The following SLC24A2 variants were observed in gnomAD, a reference collection of about 807,000 sequenced individuals.
SLC24A2 encodes sodium/potassium/calcium exchanger 2.
SLC24A2 carries 36 observed loss-of-function variants against 62.0 expected under a neutral mutation model. That is an observed-to-expected ratio of 0.58 (90% CI 0.44 to 0.77). The LOEUF is 0.77. Among genes scored for constraint, SLC24A2 ranks in the 30% least tolerant of loss-of-function variants. The pLI is 0.00. For synonymous variants in SLC24A2, 358 were observed against 294.0 expected (o/e 1.22, Z -2.23); for missense variants, 846 against 817.9 (o/e 1.03, Z -0.42).
intron 5 of SLC24A2, among the ~76,000 whole-genome samples, chr9:19,583,506 G>C (rs1236994823): frequency 2.0e-5 from 3 of 152,164 alleles, no homozygotes; most frequent in African/African-American, 7.2e-5. Flanking sequence ...CACTGGTTTT[G>C]TTCACTGGTA....
the SLC24A2 span, among the ~76,000 whole-genome samples, chr9:20,170,588 T>C: frequency 2.0e-5 from 3 of 151,918 alleles, no homozygotes; most frequent in South Asian, 2.1e-4. Context: ...ATGTGAGTTA[T>C]TGATTAGAGC....
chr9:19,740,178 A>G (rs1240238288), intron 2 of SLC24A2, among the ~76,000 whole-genome samples: 1 of 152,220 alleles, frequency 6.6e-6, no homozygotes, highest in African/African-American at 2.4e-5. Context: ...GCAGTATTTA[A>G]TAAAGTTGAA....
At chr9:19,849,473 T>C in the SLC24A2 span, among the ~76,000 whole-genome samples, 2 of 152,192 alleles carry the variant, frequency 1.3e-5, no homozygotes, top group East Asian at 3.8e-4. Flanking sequence ...GCCTATGTTT[T>C]AACAATATTG....
chr9:19,825,097 G>C, the SLC24A2 span, among the ~76,000 whole-genome samples: 2 of 152,082 alleles, frequency 1.3e-5, no homozygotes, highest in African/African-American at 4.8e-5. Flanking sequence ...ATGATGGATT[G>C]ATAGGTGCAG....
At chr9:20,073,160 C>T in the SLC24A2 span, among the ~76,000 whole-genome samples, 4 of 152,188 alleles carry the variant, frequency 2.6e-5, no homozygotes, top group African/African-American at 7.2e-5. Context: ...TCTCACCAAG[C>T]TGTGATCAAG....
chr9:20,007,512 AAT>A, the SLC24A2 span, among the ~76,000 whole-genome samples: 3 of 152,138 alleles, frequency 2.0e-5, no homozygotes, highest in African/African-American at 7.2e-5. Flanking sequence ...TACATGTGTG[AAT>A]ATATATGTAT....
chr9:20,191,098 C>G, the SLC24A2 span, among the ~76,000 whole-genome samples: 4 of 151,418 alleles, frequency 2.6e-5, no homozygotes, highest in Non-Finnish European at 4.4e-5. Flanking sequence ...ATAAAGTGCT[C>G]TTTGAGTCAC....
At chr9:20,192,991 A>C in the SLC24A2 span, among the ~76,000 whole-genome samples, 1 of 152,316 alleles carries the variant, frequency 6.6e-6, no homozygotes, top group South Asian at 2.1e-4. Flanking sequence ...ACCCCCCAGC[A>C]CACAGTATAG....
intron 2 of SLC24A2, among the ~76,000 whole-genome samples, chr9:19,646,443 A>G (rs903971188): frequency 2.6e-5 from 4 of 152,186 alleles, no homozygotes; most frequent in Admixed American, 6.5e-5. Context: ...TCTCCTTCAG[A>G]GAGAAATTTC....
At chr9:20,175,272 T>C in the SLC24A2 span, among the ~76,000 whole-genome samples, 48 of 151,826 alleles carry the variant, frequency 3.2e-4, no homozygotes, top group African/African-American at 1.1e-3. Context: ...AAACGACAAA[T>C]TGGGTGCAGT....
intron 2 of SLC24A2, among the ~76,000 whole-genome samples, chr9:19,636,292 T>C (rs895865575): frequency 4.9e-5 from 2 of 40,670 alleles, no homozygotes; most frequent in East Asian, 1.0e-3. Context: ...TTCTCTTCTT[T>C]TCTTTTCTTT....
the SLC24A2 span, among the ~76,000 whole-genome samples, chr9:20,013,641 A>C: frequency 6.5e-3 from 994 of 152,342 alleles, 10 homozygotes; most frequent in African/African-American, 0.023. Flanking sequence ...GAACGGAAGA[A>C]AATAGTTGAA....
In SLC24A2 at chr9:19,510,427, CT is replaced by C. The variant is rs1156978756; in HGVS notation, c.*5725del. 2 of 82,116 alleles carry C rather than the reference CT, an allele frequency of 2.4e-5. No homozygotes were observed. The highest frequency in any genetic ancestry group is 4.6e-5 in the Non-Finnish European group (2 of 43,228). The allele number at this position is 82,116 out of a possible 1,614,324, so 5.1% of individuals were successfully genotyped here. A position where few individuals can be genotyped will look rare whatever the true frequency, so the allele number is the denominator to read the frequency against. ...AGTGAAGAGTGCCCAGATGCAGTTA[CT>C]TTTTGCCAAAAAAAAAAAAAAAAAA... On this transcript the variant is annotated 3_prime_UTR_variant, in exon 11 of 11. Coordinates refer to ENST00000341998, the MANE Select transcript of SLC24A2 (RefSeq NM_020344.4).
chr9:20,296,181 T>A, the SLC24A2 span, among the ~76,000 whole-genome samples: 1 of 152,212 alleles, frequency 6.6e-6, no homozygotes, highest in Non-Finnish European at 1.5e-5. Flanking sequence ...GGACGGCATA[T>A]ACTTACGAAA....
At chr9:20,009,081 T>C in the SLC24A2 span, among the ~76,000 whole-genome samples, 1 of 152,164 alleles carries the variant, frequency 6.6e-6, no homozygotes, top group Non-Finnish European at 1.5e-5. Context: ...CATAGTGCCA[T>C]GCACAAAGAA....
chr9:19,944,441 T>TAAAAAAAAAAA, the SLC24A2 span, among the ~76,000 whole-genome samples: 1 of 78,524 alleles, frequency 1.3e-5, no homozygotes, highest in African/African-American at 4.2e-5. Flanking sequence ...AAAGTAGTAG[T>TAAAAAAAAAAA]AAAAAAAAAA....
chr9:19,889,888 T>C, the SLC24A2 span, among the ~76,000 whole-genome samples: 1 of 152,256 alleles, frequency 6.6e-6, no homozygotes, highest in Non-Finnish European at 1.5e-5. Context: ...AATATCTATT[T>C]AAAGCATTGT....
the SLC24A2 span, among the ~76,000 whole-genome samples, chr9:19,852,581 T>C: frequency 1.3e-5 from 2 of 152,308 alleles, no homozygotes; most frequent in East Asian, 3.9e-4. Flanking sequence ...TAGGAAATCC[T>C]TTCCCCATTG....
At chr9:19,737,671 G>A (rs1302546276) in intron 2 of SLC24A2, among the ~76,000 whole-genome samples, 1 of 151,872 alleles carries the variant, frequency 6.6e-6, no homozygotes, top group Admixed American at 6.6e-5. Flanking sequence ...ATTTTTTCAG[G>A]TTTAAAAATG....
Sources: gnomAD v4.1 joint callset for allele counts (sites outside exome capture counted in the v4.1 genomes callset) on GRCh38, gnomAD v4.1.1 for gene constraint, MANE v1.5 for transcripts, NCBI Gene and HGNC (gene_info 2026-07-23, HGNC 2026-07-21) for gene names.